The following FSTL5 variants were observed in gnomAD, a reference collection of about 807,000 sequenced individuals.
FSTL5 encodes follistatin like 5, also known as follistatin-related protein 5.
A neutral mutation model predicts 89.1 loss-of-function variants in FSTL5; 62 were observed. The ratio of observed to expected loss-of-function variants is 0.70; its 90% CI spans 0.57 to 0.86. The LOEUF is 0.86. Ranked by LOEUF, FSTL5 falls within the 40% of genes least tolerant of loss-of-function variation. FSTL5 has a pLI of 0.00. For synonymous variants in FSTL5, 383 were observed against 346.2 expected (o/e 1.11, Z -1.18); for missense variants, 1,057 against 1,001.6 (o/e 1.06, Z -0.75).
chr4:161,895,017 T>C (rs141116158), intron 4 of FSTL5, among the ~76,000 whole-genome samples: 305 of 152,316 alleles, frequency 2.0e-3, no homozygotes, highest in Non-Finnish European at 3.7e-3. Flanking sequence ...CTTTGGGAGT[T>C]ACATTCTTTA....
At chr4:161,586,153 C>T (rs1733609399) in intron 8 of FSTL5, among the ~76,000 whole-genome samples, 1 of 152,140 alleles carries the variant, frequency 6.6e-6, no homozygotes, top group South Asian at 2.1e-4. Flanking sequence ...TTGTTAACCT[C>T]AGATCCAAGG....
chr4:161,442,903 T>A (rs1360456048), intron 15 of FSTL5, among the ~76,000 whole-genome samples: 1 of 151,962 alleles, frequency 6.6e-6, no homozygotes, highest in Non-Finnish European at 1.5e-5. Context: ...CCAGATGGAA[T>A]TTGGGGCTCA....
At chr4:161,843,473 A>C (rs2126873748) in intron 4 of FSTL5, among the ~76,000 whole-genome samples, 1 of 152,248 alleles carries the variant, frequency 6.6e-6, no homozygotes, top group South Asian at 2.1e-4. Flanking sequence ...GAAGTCCTTC[A>C]TATCCCTTGT....
rs181966944 is a variant in FSTL5 at position 161,785,946 on chromosome 4, A to C, written c.410-9872T>G. On this transcript the variant is annotated intron_variant, in intron 4 of 15. Transcript: ENST00000306100. ...TCATTTATCACAAGAAAAATGCAAA[A>C]GTGGTAATGAAATACAGGATTTCTT... Among the ~76,000 whole-genome samples, 503 of 152,236 alleles carry C rather than the reference A, an allele frequency of 3.3e-3. 2 individuals are homozygous for C. The highest frequency in any genetic ancestry group is 6.0e-3 in the Non-Finnish European group (409 of 67,964).
intron 12 of FSTL5, among the ~76,000 whole-genome samples, chr4:161,495,727 A>G (rs1286973537): frequency 1.3e-5 from 2 of 152,096 alleles, no homozygotes; most frequent in Non-Finnish European, 2.9e-5. Flanking sequence ...CTGATCAATG[A>G]GTTATATTGG....
chr4:161,819,723 A>T (rs1435568585), intron 4 of FSTL5, among the ~76,000 whole-genome samples: 4 of 152,124 alleles, frequency 2.6e-5, no homozygotes, highest in African/African-American at 9.6e-5. Context: ...ATTTAAAAAT[A>T]ATCTCCTTTG....
chr4:162,154,206 T>G (rs565399883), intron 1 of FSTL5, among the ~76,000 whole-genome samples: 14 of 152,180 alleles, frequency 9.2e-5, no homozygotes, highest in Non-Finnish European at 2.1e-4. Context: ...TTAGCTTTTG[T>G]CAAAATAAAA....
intron 3 of FSTL5, among the ~76,000 whole-genome samples, chr4:161,937,752 A>G (rs978315657): frequency 2.6e-4 from 39 of 152,160 alleles, no homozygotes; most frequent in Non-Finnish European, 1.2e-4. Context: ...CTGCTTTAGC[A>G]TGCTCCTCAG....
chr4:161,716,095 C>T (rs1447949560), intron 6 of FSTL5, among the ~76,000 whole-genome samples: 1 of 152,138 alleles, frequency 6.6e-6, no homozygotes, highest in African/African-American at 2.4e-5. Flanking sequence ...CCCCCACCAC[C>T]CTCCTTGGTA....
intron 8 of FSTL5, among the ~76,000 whole-genome samples, chr4:161,556,008 G>A (rs1184071160): frequency 1.3e-5 from 2 of 151,598 alleles, no homozygotes; most frequent in Non-Finnish European, 3.0e-5. Context: ...AAGACTAGAG[G>A]GAGGAAGTGG....
chr4:161,685,235 T>G (rs1035149104), intron 6 of FSTL5, among the ~76,000 whole-genome samples: 2 of 152,168 alleles, frequency 1.3e-5, no homozygotes, highest in Non-Finnish European at 2.9e-5. Context: ...ATGCCGGCAC[T>G]TTTTTGGTCC....
rs529210127 is a variant in FSTL5 at position 161,973,173 on chromosome 4, T to G, written c.161-52521A>C. Among the ~76,000 whole-genome samples, 24 of 151,392 alleles carry G rather than the reference T, an allele frequency of 1.6e-4. No homozygotes were observed. The South Asian group carries it at 2.5e-3, about 16-fold the overall frequency. ...TCAGTATTTGGTGAAGTGTTTCATG[T>G]TTTTTTTTCTGTATTACGTAGTGAA... is the stretch of plus-strand genomic sequence containing the variant. On this transcript the variant is annotated intron_variant, in intron 3 of 15. Coordinates refer to ENST00000306100, the MANE Select transcript of FSTL5 (RefSeq NM_020116.5).
At chr4:162,103,860 A>C (rs919495553) in intron 2 of FSTL5, among the ~76,000 whole-genome samples, 1 of 152,174 alleles carries the variant, frequency 6.6e-6, no homozygotes, top group Non-Finnish European at 1.5e-5. Flanking sequence ...CAAAAACAGG[A>C]GGTACAGAAA....
At chr4:161,662,797 A>G (rs1161613488) in intron 6 of FSTL5, among the ~76,000 whole-genome samples, 4 of 152,210 alleles carry the variant, frequency 2.6e-5, no homozygotes, top group Non-Finnish European at 5.9e-5. Context: ...AGGCTAATTC[A>G]CACTGAGTCA....
At chr4:161,463,420 C>T (rs1452314649) in intron 13 of FSTL5, among the ~76,000 whole-genome samples, 3 of 152,016 alleles carry the variant, frequency 2.0e-5, no homozygotes, top group Admixed American at 6.6e-5. Context: ...TAAAATAACA[C>T]ATTTTATACA....
rs10004589 is a variant in FSTL5, at chr4:161,405,081, G to T, written c.1842-18632C>A. On this transcript the variant is annotated intron_variant, in intron 15 of 15. Coordinates refer to ENST00000306100, the MANE Select transcript of FSTL5 (RefSeq NM_020116.5). The stretch of plus-strand genomic sequence containing the variant: ...CCCTGTCTCTACTAAAAATACAAAA[G>T]AATTAGCTAGGTATGGTGGTGGGCA... 2.0e-5 allele frequency among the ~76,000 whole-genome samples: 3 copies of T among 151,360 alleles called. No individual in the cohort carries two copies. The South Asian group carries it at 6.2e-4, about 31-fold the overall frequency.
chr4:162,149,852 A>C (rs1055481198), intron 1 of FSTL5, among the ~76,000 whole-genome samples: 1 of 152,148 alleles, frequency 6.6e-6, no homozygotes, highest in Admixed American at 6.5e-5. Flanking sequence ...GTTCAGTTTG[A>C]CATCTGTTAC....
chr4:161,941,713 T>C (rs1486255346), intron 3 of FSTL5, among the ~76,000 whole-genome samples: 2 of 151,938 alleles, frequency 1.3e-5, no homozygotes, highest in South Asian at 2.1e-4. Flanking sequence ...ATACCTCACT[T>C]TGAATACTGG....
intron 6 of FSTL5, among the ~76,000 whole-genome samples, chr4:161,659,740 C>T (rs1047369669): frequency 4.6e-5 from 7 of 151,988 alleles, no homozygotes; most frequent in Non-Finnish European, 8.8e-5. Flanking sequence ...ACTACAGTTG[C>T]TACTTTAAAA....
Sources: gnomAD v4.1 joint callset for allele counts (sites outside exome capture counted in the v4.1 genomes callset) on GRCh38, gnomAD v4.1.1 for gene constraint, MANE v1.5 for transcripts, NCBI Gene and HGNC (gene_info 2026-07-23, HGNC 2026-07-21) for gene names.